LANCL3: variants seen among roughly 807,000 people sequenced by gnomAD.
The protein encoded by LANCL3 is LanC like family member 3, also known as lanC-like protein 3.
Under a neutral mutation model 26.5 loss-of-function variants are expected in LANCL3, and 19 were observed. The ratio of observed to expected loss-of-function variants is 0.72; its 90% CI spans 0.50 to 1.05. LANCL3 has a LOEUF of 1.05. Ranked by LOEUF, LANCL3 falls within the 50% of genes least tolerant of loss-of-function variation. The probability of loss-of-function intolerance (pLI) is 0.00; values close to 1 mark genes in which losing one functional copy is unlikely to be tolerated. For synonymous variants in LANCL3, 160 were observed against 166.6 expected (o/e 0.96, Z 0.30); for missense variants, 318 against 362.7 (o/e 0.88, Z 1.00).
intron 1 of LANCL3, among the ~76,000 whole-genome samples, chrX:37,628,910 G>A (rs868977965): frequency 5.0e-4 from 55 of 110,412 alleles, no homozygotes; most frequent in Non-Finnish European, 8.5e-4. Context: ...ATAAACATAC[G>A]TGTGCATGTG....
intron 1 of LANCL3, among the ~76,000 whole-genome samples, chrX:37,578,234 A>G (rs781910424): frequency 1.6e-4 from 18 of 112,128 alleles, no homozygotes; most frequent in African/African-American, 5.8e-4. Context: ...CCTCTGACTC[A>G]TTGCCCAGCA....
intron 1 of LANCL3, among the ~76,000 whole-genome samples, chrX:37,594,463 C>A (rs1454997240): frequency 2.7e-5 from 3 of 111,673 alleles, no homozygotes; most frequent in Non-Finnish European, 5.6e-5. Flanking sequence ...ATTGCCCAAG[C>A]AGGATACTTT....
intron 1 of LANCL3, among the ~76,000 whole-genome samples, chrX:37,637,291 C>T (rs1317393395): frequency 8.9e-6 from 1 of 111,796 alleles, no homozygotes; most frequent in Non-Finnish European, 1.9e-5. Flanking sequence ...TATTGCCGAC[C>T]AGAGCTCTTT....
intron 1 of LANCL3, among the ~76,000 whole-genome samples, chrX:37,606,011 T>C (rs1376608663): frequency 1.8e-5 from 2 of 111,838 alleles, no homozygotes; most frequent in Admixed American, 1.9e-4. Context: ...AGGACTCATA[T>C]GGTTATAGCC....
intron 1 of LANCL3, among the ~76,000 whole-genome samples, chrX:37,627,587 G>A (rs928145995): frequency 9.0e-6 from 1 of 111,698 alleles, no homozygotes; most frequent in African/African-American, 3.3e-5. Context: ...GATTGCCAGG[G>A]AATCAGCATG....
At chrX:37,591,365 C>G (rs1210629136) in intron 1 of LANCL3, among the ~76,000 whole-genome samples, 1 of 111,495 alleles carries the variant, frequency 9.0e-6, no homozygotes, top group African/African-American at 3.3e-5. Context: ...CTAGGCATCT[C>G]TGGTGTTAGT....
chrX:37,576,001 C>T (rs782150769), intron 1 of LANCL3, among the ~76,000 whole-genome samples: 5 of 111,882 alleles, frequency 4.5e-5, no homozygotes, highest in Non-Finnish European at 9.4e-5. Context: ...TGTCATGTAA[C>T]TGATTCTATT....
intron 3 of LANCL3, among the ~76,000 whole-genome samples, chrX:37,667,067 T>C (rs782785184): frequency 1.8e-5 from 2 of 112,124 alleles, no homozygotes; most frequent in African/African-American, 6.5e-5. Context: ...AAGATTCTCT[T>C]ATAGAACATT....
chrX:37,627,298 A>G (rs1556423202), intron 1 of LANCL3, among the ~76,000 whole-genome samples: 1 of 111,732 alleles, frequency 8.9e-6, no homozygotes, highest in Non-Finnish European at 1.9e-5. Flanking sequence ...TTCTATTTAA[A>G]TTACATAGTA....
rs187114854 is a variant in LANCL3 at position 37,663,003 on chromosome X, G to A, written c.895+3344G>A. ...ACCACAGGATCAATACCTTTTAAGC[G>A]TTCTGGGGCTCATGGCCTGGTACAG... On this transcript the variant is annotated intron_variant, in intron 3 of 4. Transcript: ENST00000378619. 3.9e-3 allele frequency among the ~76,000 whole-genome samples: 436 copies of A among 111,323 alleles called. 1 individual carries two copies. The highest frequency in any genetic ancestry group is 0.013 in the African/African-American group (410 of 30,602).
chrX:37,613,396 A>G (rs1924931783), intron 1 of LANCL3, among the ~76,000 whole-genome samples: 1 of 111,088 alleles, frequency 9.0e-6, no homozygotes, highest in African/African-American at 3.3e-5. Flanking sequence ...TTCTTTTTAA[A>G]TTTTTTATTG....
intron 1 of LANCL3, among the ~76,000 whole-genome samples, chrX:37,601,593 T>C: frequency 8.9e-6 from 1 of 111,912 alleles, no homozygotes; most frequent in Non-Finnish European, 1.9e-5. Flanking sequence ...CATAAAAAAG[T>C]CTGGAAGTTG....
chrX:37,574,233 G>T (rs1923685312), intron 1 of LANCL3, among the ~76,000 whole-genome samples: 1 of 110,593 alleles, frequency 9.0e-6, no homozygotes, highest in Admixed American at 9.6e-5. Context: ...TGAGGGGAAA[G>T]TAGAAGTTTT....
chrX:37,649,523 G>A (rs1471143392), intron 1 of LANCL3, among the ~76,000 whole-genome samples: 3 of 111,296 alleles, frequency 2.7e-5, no homozygotes, highest in Non-Finnish European at 5.7e-5. Context: ...CATGACACAC[G>A]TATACCTATG....
At chrX:37,601,755 A>G (rs1556420039) in intron 1 of LANCL3, among the ~76,000 whole-genome samples, 1 of 111,887 alleles carries the variant, frequency 8.9e-6, no homozygotes, top group Non-Finnish European at 1.9e-5. Flanking sequence ...TGAAGTCTGT[A>G]CCAGATATGT....
At chrX:37,602,145 C>T (rs1343459072) in intron 1 of LANCL3, among the ~76,000 whole-genome samples, 1 of 111,509 alleles carries the variant, frequency 9.0e-6, no homozygotes, top group Non-Finnish European at 1.9e-5. Context: ...CACTCCCTCC[C>T]AGTGAGAAAT....
intron 1 of LANCL3, among the ~76,000 whole-genome samples, chrX:37,652,455 A>T (rs950742719): frequency 1.8e-5 from 2 of 112,124 alleles, no homozygotes; most frequent in African/African-American, 3.2e-5. Context: ...CAGTAAAGTG[A>T]ATCAGTTAAA....
intron 1 of LANCL3, among the ~76,000 whole-genome samples, chrX:37,578,659 A>G (rs1366394160): frequency 1.8e-5 from 2 of 112,213 alleles, no homozygotes; most frequent in African/African-American, 3.2e-5. Flanking sequence ...TCAAAGATAT[A>G]AAACAAAATG....
intron 1 of LANCL3, among the ~76,000 whole-genome samples, chrX:37,634,397 G>T (rs782288803): frequency 8.8e-6 from 1 of 113,208 alleles, no homozygotes; most frequent in South Asian, 3.6e-4. Context: ...CGCTTCCTGA[G>T]TGAGGCAATG....
Sources: gnomAD v4.1 joint callset for allele counts (sites outside exome capture counted in the v4.1 genomes callset) on GRCh38, gnomAD v4.1.1 for gene constraint, MANE v1.5 for transcripts, NCBI Gene and HGNC (gene_info 2026-07-23, HGNC 2026-07-21) for gene names.